Variants in PCDH15 observed in about 807,000 individuals in gnomAD.
PCDH15 encodes the protein protocadherin-15.
Under a neutral mutation model 178.5 loss-of-function variants are expected in PCDH15, and 129 were observed. The ratio of observed to expected loss-of-function variants is 0.72; its 90% CI spans 0.63 to 0.84. The LOEUF is 0.84. Among genes scored for constraint, PCDH15 ranks in the 40% least tolerant of loss-of-function variants. The pLI is 0.00. For synonymous variants in PCDH15, 800 were observed against 732.0 expected (o/e 1.09, Z -1.50); for missense variants, 2,230 against 2,099.9 (o/e 1.06, Z -1.21).
intron 2 of PCDH15, among the ~76,000 whole-genome samples, chr10:55,065,977 A>G (rs1396765191): frequency 6.6e-6 from 1 of 152,120 alleles, no homozygotes; most frequent in South Asian, 2.1e-4. Flanking sequence ...GCCACTTTAT[A>G]CATACAAGTC....
chr10:55,498,718 C>A (rs1840589735), intron 2 of PCDH15, among the ~76,000 whole-genome samples: 1 of 151,820 alleles, frequency 6.6e-6, no homozygotes, highest in Admixed American at 6.6e-5. Flanking sequence ...CAGAAACTGA[C>A]AGTGACCTTT....
In PCDH15 at chr10:53,806,960, G is replaced by T; in HGVS notation, c.4842C>A (p.Thr1614=). ...AGTTGTCCGTGAGGCAGGCACGGCGGGTTCTCACCACAGAACCATTCTGTG... is the reference window on the plus strand; with the variant it reads ...AGTTGTCCGTGAGGCAGGCACGGCGTGTTCTCACCACAGAACCATTCTGTG... ...YIAQNGSVVR[T]RRACLTDNLK... is the part of the protein sequence containing the mutation. Residue 1614 remains threonine, a synonymous_variant, in exon 38 of 38, where the codon ACC becomes ACA. Transcript: ENST00000644397. 1.2e-6 allele frequency: 2 copies of T among 1,613,772 alleles called. No homozygotes were observed. The highest frequency in any genetic ancestry group is 1.7e-5 in the Admixed American group (1 of 59,968).
chr10:54,345,626 C>A (rs1588947028), intron 6 of PCDH15, among the ~76,000 whole-genome samples: 1 of 151,072 alleles, frequency 6.6e-6, no homozygotes, highest in East Asian at 2.0e-4. Context: ...ACATAGAAAT[C>A]TTCTTGTCTA....
At chr10:55,244,159 G>T (rs7068963) in intron 1 of PCDH15, among the ~76,000 whole-genome samples, 21,730 of 151,928 alleles carry the variant, frequency 0.14, 1,690 homozygotes, top group East Asian at 0.3. Context: ...CAATCTCATA[G>T]TTCGAAATGA....
Position 54,592,130 on chromosome 10 carries a change from T to C in PCDH15, c.92-64253A>G, listed in dbSNP as rs78385189. On this transcript the variant is annotated intron_variant, in intron 2 of 37. Coordinates refer to ENST00000644397, the MANE Select transcript of PCDH15 (RefSeq NM_001384140.1). Reference sequence around the variant, plus strand: ...ACAAAACCATGCATGGGTATTTTCTTCTGTTTTTAACAATGGATAATGAAT... The same window carrying C: ...ACAAAACCATGCATGGGTATTTTCTCCTGTTTTTAACAATGGATAATGAAT... 8.3e-3 allele frequency among the ~76,000 whole-genome samples: 1,267 copies of C among 152,278 alleles called. 11 individuals carry two copies. Among genetic ancestry groups the C allele is most frequent in the African/African-American group, 0.029 (1,206 of 41,552 alleles).
At chr10:54,816,109 CAT>C (rs1952946496) in intron 3 of PCDH15, among the ~76,000 whole-genome samples, 1 of 152,156 alleles carries the variant, frequency 6.6e-6, no homozygotes, top group Admixed American at 6.6e-5. Flanking sequence ...CAAATATTTA[CAT>C]GTCTCCTCCA....
At chr10:55,105,317 A>C (rs879259308) in intron 2 of PCDH15, among the ~76,000 whole-genome samples, 1 of 152,136 alleles carries the variant, frequency 6.6e-6, no homozygotes, top group Non-Finnish European at 1.5e-5. Flanking sequence ...ATCTCCAAAA[A>C]GTTTTCTAAA....
At chr10:55,275,012 T>TCCA (rs1842551061) in intron 1 of PCDH15, among the ~76,000 whole-genome samples, 1 of 151,942 alleles carries the variant, frequency 6.6e-6, no homozygotes, top group Non-Finnish European at 1.5e-5. Flanking sequence ...AATTATAGAG[T>TCCA]CCCATTTCCT....
At chr10:54,467,601 G>GTTTTTTTTTTTTTTTTTTTTTTTTTT (rs67776985) in intron 3 of PCDH15, among the ~76,000 whole-genome samples, 61 of 45,700 alleles carry the variant, frequency 1.3e-3, no homozygotes, top group Non-Finnish European at 1.9e-3. Context: ...TCAAGCTGTA[G>GTTTTTTTTTTTTTTTTTTTTTTTTTT]TTTTTTTTTT....
At chr10:55,386,155 A>C (rs1458545860) in intron 2 of PCDH15, among the ~76,000 whole-genome samples, 2 of 152,176 alleles carry the variant, frequency 1.3e-5, no homozygotes, top group East Asian at 1.9e-4. Context: ...TAATTTACCT[A>C]GACTCAAAGG....
chr10:55,590,747 A>G (rs1009618561), intron 2 of PCDH15, among the ~76,000 whole-genome samples: 1 of 152,158 alleles, frequency 6.6e-6, no homozygotes. Context: ...AAGTCACTTT[A>G]TTATACAGCA....
chr10:54,512,401 GTA>G (rs2081782551), intron 3 of PCDH15, among the ~76,000 whole-genome samples: 1 of 146,076 alleles, frequency 6.8e-6, no homozygotes, highest in Non-Finnish European at 1.5e-5. Context: ...GTGTGTGTGT[GTA>G]TTATTGGGGG....
chr10:53,900,038 C>A (rs1428256927), intron 26 of PCDH15, among the ~76,000 whole-genome samples: 2 of 152,122 alleles, frequency 1.3e-5, no homozygotes, highest in Non-Finnish European at 2.9e-5. Flanking sequence ...AATCTAACCA[C>A]CCTTCAGTGC....
intron 3 of PCDH15, among the ~76,000 whole-genome samples, chr10:54,498,582 G>T (rs2080348280): frequency 6.6e-6 from 1 of 152,024 alleles, no homozygotes; most frequent in South Asian, 2.1e-4. Flanking sequence ...TCTAAGTAAA[G>T]GAATGAAGAA....
At chr10:55,231,107 A>G (rs7908631) in intron 1 of PCDH15, among the ~76,000 whole-genome samples, 2 of 152,046 alleles carry the variant, frequency 1.3e-5, no homozygotes, top group African/African-American at 2.4e-5. Context: ...ATACGTAGCC[A>G]GAATATAGCT....
At chr10:54,829,385 T>G (rs1953184899) in intron 3 of PCDH15, among the ~76,000 whole-genome samples, 1 of 151,962 alleles carries the variant, frequency 6.6e-6, no homozygotes, top group Non-Finnish European at 1.5e-5. Flanking sequence ...GCCATACTGG[T>G]GGAAGTAAGT....
chr10:54,357,837 C>A (rs1417176417), intron 5 of PCDH15, among the ~76,000 whole-genome samples: 1 of 151,918 alleles, frequency 6.6e-6, no homozygotes, highest in Admixed American at 6.6e-5. Context: ...TGGAACAGAA[C>A]AGAGCCCTCA....
chr10:54,118,851 T>C (rs1042611214), intron 15 of PCDH15, among the ~76,000 whole-genome samples: 1 of 151,382 alleles, frequency 6.6e-6, no homozygotes, highest in African/African-American at 2.4e-5. Flanking sequence ...AAATAAATCA[T>C]AAAAATGAAC....
intron 2 of PCDH15, among the ~76,000 whole-genome samples, chr10:55,433,321 C>A (rs1838937376): frequency 6.6e-6 from 1 of 152,044 alleles, no homozygotes; most frequent in Non-Finnish European, 1.5e-5. Context: ...GAGCTGGAGG[C>A]CATAACCAAA....
Sources: gnomAD v4.1 joint callset for allele counts (sites outside exome capture counted in the v4.1 genomes callset) on GRCh38, gnomAD v4.1.1 for gene constraint, MANE v1.5 for transcripts, NCBI Gene and HGNC (gene_info 2026-07-23, HGNC 2026-07-21) for gene names.